Variants in NCOA2 observed in about 807,000 individuals in gnomAD.
The protein encoded by NCOA2 is class E basic helix-loop-helix protein 75.
NCOA2 carries 21 observed loss-of-function variants against 145.1 expected under a neutral mutation model. That is an observed-to-expected ratio of 0.14 (90% CI 0.10 to 0.21). The LOEUF is 0.21. Among genes scored for constraint, NCOA2 ranks in the 10% least tolerant of loss-of-function variants. The probability of loss-of-function intolerance (pLI) is 1.00; values close to 1 mark genes in which losing one functional copy is unlikely to be tolerated. For synonymous variants in NCOA2, 619 were observed against 637.5 expected (o/e 0.97, Z 0.44); for missense variants, 1,472 against 1,837.6 (o/e 0.80, Z 3.64).
chr8:70,446,496 A>T, the NCOA2 span, among the ~76,000 whole-genome samples: 4 of 152,208 alleles, frequency 2.6e-5, no homozygotes, highest in African/African-American at 9.6e-5. Flanking sequence ...TGTGGCACTT[A>T]CTGTATAGTT....
chr8:70,417,653 C>T, the NCOA2 span, among the ~76,000 whole-genome samples: 9 of 152,164 alleles, frequency 5.9e-5, no homozygotes, highest in African/African-American at 1.9e-4. Flanking sequence ...CTCAGCTGAT[C>T]GTGGTTTTTT....
At chr8:70,198,469 C>T (rs1480197650) in intron 4 of NCOA2, among the ~76,000 whole-genome samples, 1 of 152,170 alleles carries the variant, frequency 6.6e-6, no homozygotes, top group African/African-American at 2.4e-5. Context: ...CTTCGTCCTG[C>T]AGGCAGGGAG....
At chr8:70,442,144 A>AAAGAAAGAAAGAAAGG in the NCOA2 span, among the ~76,000 whole-genome samples, 2,305 of 128,426 alleles carry the variant, frequency 0.018, 81 homozygotes, top group African/African-American at 0.065. Flanking sequence ...AGAAAGAAAG[A>AAAGAAAGAAAGAAAGG]AAGAAAGAAA....
intron 1 of NCOA2, among the ~76,000 whole-genome samples, chr8:70,370,985 C>A (rs898473297): frequency 6.6e-6 from 1 of 152,046 alleles, no homozygotes; most frequent in Non-Finnish European, 1.5e-5. Context: ...AATTAAGCCA[C>A]CTTAAAAAAT....
At chr8:70,419,171 T>TC in the NCOA2 span, among the ~76,000 whole-genome samples, 3 of 152,120 alleles carry the variant, frequency 2.0e-5, no homozygotes, top group Non-Finnish European at 4.4e-5. Flanking sequence ...TTGGCTTGGT[T>TC]TCACTGTTGG....
intron 15 of NCOA2, among the ~76,000 whole-genome samples, chr8:70,132,756 G>A (rs1274226935): frequency 6.6e-6 from 1 of 152,118 alleles, no homozygotes; most frequent in Non-Finnish European, 1.5e-5. Context: ...TGTAGAGATG[G>A]CGTTTCGCCA....
At chr8:70,307,184 A>C (rs1003515901) in intron 1 of NCOA2, among the ~76,000 whole-genome samples, 2 of 150,414 alleles carry the variant, frequency 1.3e-5, no homozygotes, top group Admixed American at 6.6e-5. Context: ...TTCACTAACA[A>C]GATTATTCAG....
chr8:70,356,223 G>A (rs1478731120), intron 1 of NCOA2, among the ~76,000 whole-genome samples: 2 of 152,148 alleles, frequency 1.3e-5, no homozygotes, highest in African/African-American at 4.8e-5. Context: ...CTGGGAAGCT[G>A]AGGTAGGCAT....
intron 5 of NCOA2, among the ~76,000 whole-genome samples, chr8:70,174,552 T>C (rs1365356804): frequency 6.6e-6 from 1 of 152,332 alleles, no homozygotes; most frequent in East Asian, 1.9e-4. Flanking sequence ...TTAATTTAAT[T>C]CTATGTTAAT....
chr8:70,395,601 A>C (rs2131693299), intron 1 of NCOA2, among the ~76,000 whole-genome samples: 1 of 152,386 alleles, frequency 6.6e-6, no homozygotes, highest in Admixed American at 6.5e-5. Context: ...TAACAGTACA[A>C]TTAGAAATTT....
chr8:70,244,096 C>T (rs1434835581), intron 2 of NCOA2, among the ~76,000 whole-genome samples: 1 of 151,968 alleles, frequency 6.6e-6, no homozygotes, highest in Admixed American at 6.6e-5. Context: ...TTAGAAATTG[C>T]CTGATACATT....
chr8:70,357,848 C>G (rs1221784287), intron 1 of NCOA2, among the ~76,000 whole-genome samples: 13 of 151,978 alleles, frequency 8.6e-5, no homozygotes, highest in African/African-American at 2.9e-4. Flanking sequence ...GTCAGGAGTT[C>G]AATACCAGCC....
chr8:70,264,852 T>A (rs1824443383), intron 2 of NCOA2, among the ~76,000 whole-genome samples: 1 of 152,062 alleles, frequency 6.6e-6, no homozygotes, highest in East Asian at 1.9e-4. Flanking sequence ...ACCCATAATG[T>A]TATAGGAAAA....
At chr8:70,391,809 G>GTT (rs1813229030) in intron 1 of NCOA2, among the ~76,000 whole-genome samples, 1 of 152,178 alleles carries the variant, frequency 6.6e-6, no homozygotes, top group Admixed American at 6.5e-5. Context: ...AAACAAAGCT[G>GTT]TAACAGCCAT....
chr8:70,276,706 A>C (rs1825493414), intron 2 of NCOA2, among the ~76,000 whole-genome samples: 1 of 152,148 alleles, frequency 6.6e-6, no homozygotes, highest in Admixed American at 6.5e-5. Flanking sequence ...AGGCCTTCCT[A>C]ACCATGTGAA....
rs568492511 is a variant in NCOA2, at chr8:70,268,751, C to T, written c.-20+27993G>A. Among the ~76,000 whole-genome samples, 127 of 152,052 alleles carry T rather than the reference C, an allele frequency of 8.4e-4. 1 individual carries two copies. The highest frequency in any genetic ancestry group is 8.4e-4 in the Non-Finnish European group (57 of 68,020). ...TAGTACAAGTAAAACAGAAAAGCACCTAACATGAATTCTGTACAAATCCTG... is the reference window on the plus strand; with the variant it reads ...TAGTACAAGTAAAACAGAAAAGCACTTAACATGAATTCTGTACAAATCCTG... On this transcript the variant is annotated intron_variant, in intron 2 of 22. Transcript: ENST00000452400.
At chr8:70,453,654 G>A in the NCOA2 span, among the ~76,000 whole-genome samples, 3 of 152,128 alleles carry the variant, frequency 2.0e-5, no homozygotes, top group East Asian at 1.9e-4. Context: ...AGGCCCTCTC[G>A]AAGGGCTATC....
At chr8:70,176,626 T>C (rs146092888) in intron 4 of NCOA2, among the ~76,000 whole-genome samples, 1 of 152,190 alleles carries the variant, frequency 6.6e-6, no homozygotes, top group African/African-American at 2.4e-5. Flanking sequence ...CACAGTAAAA[T>C]AAATGTGCAC....
At chr8:70,398,975 T>C (rs1813958511) in intron 1 of NCOA2, among the ~76,000 whole-genome samples, 1 of 152,228 alleles carries the variant, frequency 6.6e-6, no homozygotes, top group African/African-American at 2.4e-5. Context: ...CCTTCATAGT[T>C]TATCCTTAAG....
Sources: allele counts gnomAD v4.1 joint callset (sites outside exome capture counted in the v4.1 genomes callset), GRCh38; gene constraint gnomAD v4.1.1; transcripts MANE v1.5; gene names NCBI Gene and HGNC (gene_info 2026-07-23, HGNC 2026-07-21).